The following DNAH6 variants were observed in gnomAD, a reference collection of about 807,000 sequenced individuals.
The protein encoded by DNAH6 is axonemal beta dynein heavy chain 6.
Under a neutral mutation model 491.4 loss-of-function variants are expected in DNAH6, and 340 were observed. The ratio of observed to expected loss-of-function variants is 0.69; its 90% CI spans 0.63 to 0.76. The LOEUF (loss-of-function observed/expected upper bound fraction) is 0.76. Ranked by LOEUF, DNAH6 falls within the 30% of genes least tolerant of loss-of-function variation. The pLI, the probability that DNAH6 is intolerant of heterozygous loss-of-function variation, is 0.00. For missense variants in DNAH6, 4,443 were observed against 4,972.2 expected (o/e 0.89, Z 3.20); for synonymous variants, 1,603 against 1,686.1 (o/e 0.95, Z 1.21).
chr2:84,617,628 A>T (rs2104381317), intron 23 of DNAH6, among the ~76,000 whole-genome samples: 1 of 152,034 alleles, frequency 6.6e-6, no homozygotes, highest in South Asian at 2.1e-4. Flanking sequence ...TTTAGATCCC[A>T]CAAATTGAAA....
chr2:84,745,017 A>G, intron 62 of DNAH6, 63 bp from the exon 63 acceptor site: 2 of 1,110,924 alleles, frequency 1.8e-6, no homozygotes, highest in Non-Finnish European at 1.2e-6. Context: ...ATTACCAAAC[A>G]TTATTTAATT....
chr2:84,570,543 C>T (rs777152690), intron 11 of DNAH6, among the ~76,000 whole-genome samples: 15 of 152,236 alleles, frequency 9.9e-5, no homozygotes, highest in East Asian at 1.9e-4. Flanking sequence ...TGTGAAAATG[C>T]ACCAATCAGT....
At chr2:84,645,495 C>T (rs1397887705) in intron 33 of DNAH6, among the ~76,000 whole-genome samples, 5 of 151,924 alleles carry the variant, frequency 3.3e-5, no homozygotes, top group Non-Finnish European at 7.3e-5. Context: ...ATTTGCATTT[C>T]TCTATTGATC....
intron 73 of DNAH6, 76 bp downstream of exon 73, chr2:84,812,602 T>A: frequency 8.5e-7 from 1 of 1,182,768 alleles, no homozygotes; most frequent in Non-Finnish European, 1.2e-6. Flanking sequence ...AAGCACTGGC[T>A]AAAGATATCC....
intron 10 of DNAH6, among the ~76,000 whole-genome samples, chr2:84,554,580 G>A (rs930043372): frequency 6.6e-6 from 1 of 152,162 alleles, no homozygotes; most frequent in African/African-American, 2.4e-5. Flanking sequence ...ACCGCTTCTG[G>A]GGTTCAGTTT....
intron 76 of DNAH6, among the ~76,000 whole-genome samples, chr2:84,818,188 T>G (rs1348471635): frequency 6.6e-6 from 1 of 152,180 alleles, no homozygotes; most frequent in Admixed American, 6.5e-5. Flanking sequence ...TAGTCATCAA[T>G]GGCCACTAAT....
At chr2:84,506,111 C>G in the DNAH6 span, among the ~76,000 whole-genome samples, 2 of 152,184 alleles carry the variant, frequency 1.3e-5, no homozygotes, top group African/African-American at 4.8e-5. Flanking sequence ...ATTTCTAGTT[C>G]TAGATCCCTG....
the DNAH6 span, among the ~76,000 whole-genome samples, chr2:84,470,199 T>G: frequency 6.6e-6 from 1 of 152,178 alleles, no homozygotes; most frequent in African/African-American, 2.4e-5. Context: ...AGGTAGCCAT[T>G]GGGTCAGGGT....
intron 37 of DNAH6, among the ~76,000 whole-genome samples, chr2:84,665,168 C>G (rs1168863944): frequency 6.6e-6 from 1 of 152,132 alleles, no homozygotes; most frequent in Non-Finnish European, 1.5e-5. Flanking sequence ...AATTGACACC[C>G]TAGCATCACA....
chr2:84,716,127 A>G (rs969742223), intron 58 of DNAH6, among the ~76,000 whole-genome samples: 1 of 150,404 alleles, frequency 6.6e-6, no homozygotes, highest in African/African-American at 2.4e-5. Flanking sequence ...ATACACATAT[A>G]TACATATATA....
chr2:84,578,296 T>C (rs1420792475), intron 13 of DNAH6, among the ~76,000 whole-genome samples: 2 of 152,138 alleles, frequency 1.3e-5, no homozygotes, highest in Non-Finnish European at 1.5e-5. Flanking sequence ...TATAATTATG[T>C]ATATAATTGG....
intron 76 of DNAH6, among the ~76,000 whole-genome samples, chr2:84,817,000 A>C (rs1680548054): frequency 6.6e-6 from 1 of 152,220 alleles, no homozygotes; most frequent in African/African-American, 2.4e-5. Flanking sequence ...GGAGAAAATA[A>C]AGAATGGAGG....
intron 9 of DNAH6, among the ~76,000 whole-genome samples, 154 bp downstream of exon 9, chr2:84,550,211 T>C (rs1477445558): frequency 6.6e-6 from 1 of 152,066 alleles, no homozygotes; most frequent in Non-Finnish European, 1.5e-5. Flanking sequence ...CAGAGACCAG[T>C]TTCATGGAAG....
At chr2:84,539,118 A>C (rs1156428005) in intron 4 of DNAH6, among the ~76,000 whole-genome samples, 1 of 152,110 alleles carries the variant, frequency 6.6e-6, no homozygotes, top group Non-Finnish European at 1.5e-5. Flanking sequence ...TAAATCTATT[A>C]AGTCAAATTT....
At chr2:84,564,178 G>C (rs542389874) in intron 11 of DNAH6, among the ~76,000 whole-genome samples, 3 of 152,108 alleles carry the variant, frequency 2.0e-5, no homozygotes, top group African/African-American at 4.8e-5. Flanking sequence ...TTGGCTAGTT[G>C]GCTCTTTTTT....
intron 62 of DNAH6, among the ~76,000 whole-genome samples, chr2:84,737,995 A>ACT (rs1672168865): frequency 6.7e-6 from 1 of 149,672 alleles, no homozygotes; most frequent in African/African-American, 2.5e-5. Flanking sequence ...AGTGCTATAA[A>ACT]CTCTCCTTTA....
intron 76 of DNAH6, among the ~76,000 whole-genome samples, chr2:84,818,513 A>AAG (rs1680719271): frequency 7.3e-6 from 1 of 137,226 alleles, no homozygotes; most frequent in Non-Finnish European, 1.6e-5. Flanking sequence ...AAAAAAAAAA[A>AAG]GGGAAAAAAA....
chr2:84,567,605 T>A (rs1681346964), intron 11 of DNAH6, among the ~76,000 whole-genome samples: 1 of 151,978 alleles, frequency 6.6e-6, no homozygotes, highest in Non-Finnish European at 1.5e-5. Context: ...ATGCAGAAAA[T>A]TGAGACTGGA....
intron 37 of DNAH6, among the ~76,000 whole-genome samples, chr2:84,659,682 C>T (rs1227603416): frequency 1.3e-5 from 2 of 152,086 alleles, no homozygotes; most frequent in East Asian, 3.9e-4. Flanking sequence ...TGTTAACATA[C>T]ATGTAAATGT....
Sources: gnomAD v4.1 joint callset for allele counts (sites outside exome capture counted in the v4.1 genomes callset) on GRCh38, gnomAD v4.1.1 for gene constraint, MANE v1.5 for transcripts, NCBI Gene and HGNC (gene_info 2026-07-23, HGNC 2026-07-21) for gene names.